Variants in SVOPL observed in about 807,000 individuals in gnomAD.
SVOPL encodes the protein putative transporter SVOPL.
SVOPL carries 60 observed loss-of-function variants against 61.0 expected under a neutral mutation model. The observed-to-expected ratio is 0.98, with a 90% confidence interval of 0.80 to 1.22. The LOEUF (loss-of-function observed/expected upper bound fraction) is 1.22. SVOPL is among the 50% of genes most tolerant of loss of function. SVOPL has a pLI of 0.00. For synonymous variants in SVOPL, 279 were observed against 250.0 expected (o/e 1.12, Z -1.09); for missense variants, 662 against 643.9 (o/e 1.03, Z -0.30).
intron 6 of SVOPL, among the ~76,000 whole-genome samples, chr7:138,657,583 CAT>C (rs1053993822): frequency 1.3e-5 from 2 of 152,146 alleles, no homozygotes; most frequent in East Asian, 1.9e-4. Flanking sequence ...TAAATAGAAA[CAT>C]ATTCCATCAG....
At chr7:138,647,443 G>A (rs568874482) in intron 8 of SVOPL, among the ~76,000 whole-genome samples, 1 of 152,226 alleles carries the variant, frequency 6.6e-6, no homozygotes, top group South Asian at 2.1e-4. Context: ...CTTCCTGAGA[G>A]ACAGAGTAGG....
At position 138,649,093 on chromosome 7, in the gene SVOPL, A is replaced by T; in HGVS notation, c.579T>A (p.Ser193=). The change falls in exon 8 of 16, where the codon TCT becomes TCA. Residue 193 remains serine, a synonymous_variant. Coordinates refer to ENST00000674285, the MANE Select transcript of SVOPL (RefSeq NM_001139456.2). The part of the protein sequence containing the change: ...AGSLLIIGLA[S]VIIPTIGWRW... The stretch of plus-strand genomic sequence containing the variant: ...GCCACCCGATGGTGGGGATGATCAC[A>T]GAGGCCAAGCCAATGATGAGCAGGG... 1 of 1,613,994 alleles carries T rather than the reference A, an allele frequency of 6.2e-7. No homozygotes were observed. The highest frequency in any genetic ancestry group is 8.5e-7 in the Non-Finnish European group (1 of 1,179,976).
chr7:138,605,514 T>C (rs915388143), intron 14 of SVOPL, among the ~76,000 whole-genome samples: 24 of 151,526 alleles, frequency 1.6e-4, no homozygotes, highest in Non-Finnish European at 3.1e-4. Context: ...ATACAAAAAT[T>C]AGCTGAGCGT....
chr7:138,698,712 A>G (rs78603853), intron 1 of SVOPL, among the ~76,000 whole-genome samples: 70 of 152,300 alleles, frequency 4.6e-4, no homozygotes, highest in African/African-American at 1.6e-3. Flanking sequence ...ATGACAATGA[A>G]ATTAGATGAT....
chr7:138,601,045 A>C (rs984991780), intron 14 of SVOPL, among the ~76,000 whole-genome samples: 36 of 151,980 alleles, frequency 2.4e-4, no homozygotes, highest in Non-Finnish European at 4.3e-4. Context: ...AGGTCAGGAG[A>C]TCGAGACCAT....
intron 9 of SVOPL, among the ~76,000 whole-genome samples, chr7:138,641,492 G>A (rs1194783601): frequency 5.3e-5 from 8 of 151,760 alleles, no homozygotes; most frequent in African/African-American, 1.4e-4. Flanking sequence ...CCAACATGGC[G>A]AAACCCCATC....
At chr7:138,625,570 A>G (rs1398408328) in intron 13 of SVOPL, among the ~76,000 whole-genome samples, 4 of 152,238 alleles carry the variant, frequency 2.6e-5, no homozygotes, top group Non-Finnish European at 5.9e-5. Flanking sequence ...TTTAAGCTAC[A>G]TGCAGCAAAT....
At chr7:138,671,454 TCTC>T (rs1802415048) in intron 4 of SVOPL, among the ~76,000 whole-genome samples, 1 of 152,156 alleles carries the variant, frequency 6.6e-6, no homozygotes, top group Admixed American at 6.6e-5. Flanking sequence ...TGCAAGCAAT[TCTC>T]CTGTCTCAGC....
chr7:138,640,461 C>A (rs1260965093), intron 9 of SVOPL, among the ~76,000 whole-genome samples: 2 of 151,982 alleles, frequency 1.3e-5, no homozygotes, highest in African/African-American at 4.8e-5. Context: ...AAACTCCCAA[C>A]CTCAGGTGTA....
chr7:138,602,481 ATGTG>A (rs1209106849), intron 14 of SVOPL, among the ~76,000 whole-genome samples: 1 of 149,824 alleles, frequency 6.7e-6, no homozygotes, highest in Admixed American at 6.7e-5. Context: ...ATATATGTAG[ATGTG>A]TGTGTTTATA....
chr7:138,676,514 A>G (rs894327374), intron 3 of SVOPL, among the ~76,000 whole-genome samples: 3 of 148,272 alleles, frequency 2.0e-5, no homozygotes, highest in Admixed American at 1.3e-4. Context: ...CCTCTTTTAT[A>G]AGGGCCTTAA....
chr7:138,656,603 G>A (rs10272012), intron 6 of SVOPL, 92 bp from the exon 7 acceptor site: 4 of 1,326,520 alleles, frequency 3.0e-6, no homozygotes, highest in Admixed American at 1.8e-5. Context: ...CAGGGATAAA[G>A]AATTCAAAAG....
At chr7:138,641,728 A>C (rs1455513301) in intron 9 of SVOPL, among the ~76,000 whole-genome samples, 1 of 147,982 alleles carries the variant, frequency 6.8e-6, no homozygotes, top group Non-Finnish European at 1.5e-5. Context: ...TATTAGGCCT[A>C]TAAGGAGAAA....
chr7:138,654,767 C>G (rs1801627830), intron 7 of SVOPL, among the ~76,000 whole-genome samples: 1 of 151,714 alleles, frequency 6.6e-6, no homozygotes, highest in African/African-American at 2.4e-5. Flanking sequence ...AAGGCTGAGG[C>G]AGGAGAATAG....
intron 6 of SVOPL, 107 bp downstream of exon 6, chr7:138,659,757 A>C (rs1344423269): frequency 8.1e-6 from 9 of 1,107,958 alleles, no homozygotes; most frequent in Non-Finnish European, 6.4e-6. Flanking sequence ...CCTGTCTCAG[A>C]TATGTTGGGT....
chr7:138,630,013 T>C, intron 10 of SVOPL, 36 bp downstream of exon 10: 1 of 1,557,702 alleles, frequency 6.4e-7, no homozygotes, highest in South Asian at 1.1e-5. Context: ...CCAATGCCTC[T>C]ATTTAAAACT....
intron 6 of SVOPL, among the ~76,000 whole-genome samples, chr7:138,658,472 G>T (rs1044690278): frequency 9.9e-5 from 15 of 152,050 alleles, no homozygotes; most frequent in Non-Finnish European, 1.5e-5. Flanking sequence ...GTAGAGCGAG[G>T]GTCTCACTAT....
At chr7:138,655,306 C>A (rs1034843040) in intron 7 of SVOPL, among the ~76,000 whole-genome samples, 10 of 152,118 alleles carry the variant, frequency 6.6e-5, no homozygotes, top group Non-Finnish European at 1.5e-4. Context: ...GAGTTTGAGA[C>A]CAGCCTGGCC....
chr7:138,677,200 G>C (rs554816340), intron 3 of SVOPL, among the ~76,000 whole-genome samples: 1 of 152,002 alleles, frequency 6.6e-6, no homozygotes, highest in South Asian at 2.1e-4. Flanking sequence ...CACTGCGCCC[G>C]GCCTCCTGCT....
Sources: gnomAD v4.1 joint callset for allele counts (sites outside exome capture counted in the v4.1 genomes callset) on GRCh38, gnomAD v4.1.1 for gene constraint, MANE v1.5 for transcripts, NCBI Gene and HGNC (gene_info 2026-07-23, HGNC 2026-07-21) for gene names.